Variants in HMMR observed in about 807,000 individuals in gnomAD.
HMMR encodes the protein intracellular hyaluronic acid-binding protein.
In HMMR, 108 loss-of-function variants were observed where a neutral mutation model predicts 101.0. The ratio of observed to expected loss-of-function variants is 1.07; its 90% CI spans 0.92 to 1.25. HMMR has a LOEUF of 1.25. Among genes scored for constraint, HMMR ranks in the 50% most tolerant of loss-of-function variants. The pLI is 0.00. For missense variants in HMMR, 813 were observed against 788.7 expected (o/e 1.03, Z -0.37); for synonymous variants, 296 against 276.4 (o/e 1.07, Z -0.70).
chr5:163,490,069 C>T (rs957612503), intron 16 of HMMR, among the ~76,000 whole-genome samples: 8 of 152,284 alleles, frequency 5.3e-5, no homozygotes, highest in East Asian at 1.9e-4. Context: ...CTTTTAGTTT[C>T]ACTAGGGAGC....
chr5:163,473,195 GA>G lies in HMMR; in HGVS notation c.671del (p.Lys224ArgfsTer30). Reference protein sequence around the residue: ...LEGKLVSIEKEKIDEKSETEK... With the variant: ...LEGKLVSIEKXKIDEKSETEK... ...TTGTTTTAGTGTTTCAATAGAGAAA[GA>G]AAAGATTGATGAAAAATCTGAAACA... is the stretch of plus-strand genomic sequence containing the variant. On this transcript the variant is annotated frameshift_variant, in exon 8 of 18. Coordinates refer to ENST00000393915, the MANE Select transcript of HMMR (RefSeq NM_001142556.2). LOFTEE classifies it high-confidence loss of function. The G allele has an allele frequency of 6.5e-7, 1 of 1,549,580 alleles. No individual in the cohort carries two copies. The highest frequency in any genetic ancestry group is 8.9e-7 in the Non-Finnish European group (1 of 1,125,076).
At chr5:163,481,077 T>C (rs1759238107) in intron 12 of HMMR, among the ~76,000 whole-genome samples, 1 of 152,054 alleles carries the variant, frequency 6.6e-6, no homozygotes. Flanking sequence ...CTAGAACTGA[T>C]TTCTGTGTGT....
chr5:163,477,576 T>G (rs1759111290), intron 11 of HMMR, among the ~76,000 whole-genome samples: 1 of 152,110 alleles, frequency 6.6e-6, no homozygotes, highest in South Asian at 2.1e-4. Context: ...CTTGGGAAAA[T>G]AAGATAATGT....
intron 1 of HMMR, 83 bp downstream of exon 1, chr5:163,460,821 A>G (rs750365803): frequency 1.6e-5 from 20 of 1,275,670 alleles, no homozygotes; most frequent in Admixed American, 1.6e-4. Context: ...GGAGGCAAGC[A>G]GGAGGCGATT....
At chr5:163,483,952 G>A (rs915666000) in intron 15 of HMMR, 117 bp from the exon 16 acceptor site, 1 of 585,162 alleles carries the variant, frequency 1.7e-6, no homozygotes, top group African/African-American at 2.0e-5. Flanking sequence ...CTGAGAATAT[G>A]TGAACATACC....
rs201351511 is a variant in HMMR, at chr5:163,471,177, G to T, written c.463-8G>T. On this transcript the variant is annotated splice_polypyrimidine_tract_variant and splice_region_variant and intron_variant, in intron 5 of 17. Transcript: ENST00000393915. The stretch of plus-strand genomic sequence containing the variant: ...TTTCTGAATTTTTTACGTGTTTGTT[G>T]TATTTAGTTTTCTGAAAATGGTAAC... 1.3e-6 allele frequency: 2 copies of T among 1,533,586 alleles called. No individual in the cohort carries two copies. The highest frequency in any genetic ancestry group is 4.5e-5 in the East Asian group (2 of 44,464). 95.0% of individuals were successfully genotyped at this position (1,533,586 alleles called of 1,614,324 possible). A position where few individuals can be genotyped will look rare whatever the true frequency, so the allele number is the denominator to read the frequency against.
chr5:163,486,950 G>T (rs1407086236), intron 16 of HMMR, among the ~76,000 whole-genome samples: 1 of 152,172 alleles, frequency 6.6e-6, no homozygotes, highest in East Asian at 1.9e-4. Flanking sequence ...GTGGCGGCGG[G>T]CGCCTGTAAT....
At chr5:163,470,694 G>A (rs1270995787) in intron 5 of HMMR, among the ~76,000 whole-genome samples, 2 of 152,024 alleles carry the variant, frequency 1.3e-5, no homozygotes, top group African/African-American at 4.8e-5. Context: ...AGGAAAAGAG[G>A]GATAAGAACA....
At position 163,465,747 on chromosome 5, in the gene HMMR, C is replaced by G. The variant is rs551535445; in HGVS notation, c.225+945C>G. 1.0e-3 allele frequency among the ~76,000 whole-genome samples: 157 copies of G among 151,958 alleles called. 1 individual carries two copies. The highest frequency in any genetic ancestry group is 3.6e-3 in the African/African-American group (150 of 41,442). On this transcript the variant is annotated intron_variant, in intron 3 of 17. Coordinates refer to ENST00000393915, the MANE Select transcript of HMMR (RefSeq NM_001142556.2). ...GCAAGGCAGGTGGATCACTTGAGGTCAGGAGTTTGAGACCAGCCTGGCCAA... is the reference window on the plus strand; with the variant it reads ...GCAAGGCAGGTGGATCACTTGAGGTGAGGAGTTTGAGACCAGCCTGGCCAA...
intron 13 of HMMR, 30 bp from the exon 14 acceptor site, chr5:163,482,990 T>C (rs1365480258): frequency 1.3e-6 from 2 of 1,547,360 alleles, no homozygotes; most frequent in Admixed American, 4.4e-5. Flanking sequence ...CTATAAAATG[T>C]TTAGTGACCT....
Position 163,469,843 on chromosome 5 carries a change from A to C in HMMR, c.462+14A>C. 5 of 1,529,686 alleles carry C rather than the reference A, an allele frequency of 3.3e-6. No homozygotes were observed. Among genetic ancestry groups the C allele is most frequent in the African/African-American group, 1.4e-5 (1 of 72,378 alleles). The allele number at this position is 1,529,686 out of a possible 1,614,324, so 94.8% of individuals were successfully genotyped here. A position where few individuals can be genotyped will look rare whatever the true frequency, so the allele number is the denominator to read the frequency against. ...CTAAAATCTAAGGTATCTGAGCCTC[A>C]TGATAATATTTACAATTGAATAAAT... On this transcript the variant is annotated intron_variant, in intron 5 of 17. Coordinates refer to ENST00000393915, the MANE Select transcript of HMMR (RefSeq NM_001142556.2).
chr5:163,473,513 TAGA>T lies in HMMR; in HGVS notation c.864_866del (p.Glu288del). ...AATATTGTTATATTATCTAAACAAG[TAGA>T]AGATCTAAATGTGAAATGTCAGCTG... On this transcript the variant is annotated inframe_deletion, in exon 9 of 18. Transcript: ENST00000393915. 1 of 1,587,870 alleles carries T rather than the reference TAGA, an allele frequency of 6.3e-7. No individual in the cohort carries two copies. Among genetic ancestry groups the T allele is most frequent in the South Asian group, 1.1e-5 (1 of 87,884 alleles).
chr5:163,480,824 G>A (rs912877148), intron 12 of HMMR, among the ~76,000 whole-genome samples: 2 of 152,028 alleles, frequency 1.3e-5, no homozygotes, highest in Non-Finnish European at 2.9e-5. Context: ...TCATTGATTT[G>A]TAGAGGTTTT....
chr5:163,475,694 T>G (rs757489992), intron 11 of HMMR, 22 bp downstream of exon 11: 2 of 1,274,738 alleles, frequency 1.6e-6, no homozygotes, highest in East Asian at 2.3e-5. Flanking sequence ...TAGGATCTCA[T>G]GTTTATGTAT....
intron 16 of HMMR, among the ~76,000 whole-genome samples, 173 bp from the exon 17 acceptor site, chr5:163,490,217 G>A: frequency 6.6e-6 from 1 of 152,144 alleles, no homozygotes; most frequent in South Asian, 2.1e-4. Context: ...CTTTGTCACA[G>A]CTGTTTCATG....
chr5:163,490,337 C>T, intron 16 of HMMR, 53 bp from the exon 17 acceptor site: 1 of 1,226,216 alleles, frequency 8.2e-7, no homozygotes, highest in Non-Finnish European at 1.2e-6. Context: ...TAACACATTT[C>T]ACTGACATAC....
rs771262236 is a variant in HMMR at position 163,475,469 on chromosome 5, G to A, written c.1065G>A (p.Ser355=). Residue 355 remains serine, a synonymous_variant, in exon 11 of 18, where the codon TCG becomes TCA. Transcript: ENST00000393915. ...CTGTTTGGATATAGGAATTATCTTC[G>A]AGTCTTCATCAGAAGCTCTGTTCTT... ...SLLQQEKELS[S]SLHQKLCSFQ... is the part of the protein sequence containing the mutation. The A allele has an allele frequency of 6.9e-6, 11 of 1,584,936 alleles. No homozygotes were observed. The highest frequency in any genetic ancestry group is 8.6e-6 in the Non-Finnish European group (10 of 1,162,818).
At chr5:163,485,310 G>A (rs1474677256) in intron 16 of HMMR, among the ~76,000 whole-genome samples, 2 of 152,082 alleles carry the variant, frequency 1.3e-5, no homozygotes, top group Non-Finnish European at 2.9e-5. Context: ...GTGTACGAGG[G>A]TTCCAATTTC....
At chr5:163,469,965 C>T (rs752903736) in intron 5 of HMMR, 136 bp downstream of exon 5, 12 of 556,284 alleles carry the variant, frequency 2.2e-5, no homozygotes, top group Admixed American at 7.0e-5. Flanking sequence ...GTCGGGAGTT[C>T]GAGACCAGCC....
Sources: allele counts gnomAD v4.1 joint callset (sites outside exome capture counted in the v4.1 genomes callset), GRCh38; gene constraint gnomAD v4.1.1; transcripts MANE v1.5; gene names NCBI Gene and HGNC (gene_info 2026-07-23, HGNC 2026-07-21).